Variants in MTREX observed in about 807,000 individuals in gnomAD.
MTREX encodes Mtr4 exosome RNA helicase.
MTREX carries 76 observed loss-of-function variants against 135.4 expected under a neutral mutation model. That is an observed-to-expected ratio of 0.56 (90% CI 0.47 to 0.68). The LOEUF (loss-of-function observed/expected upper bound fraction) is 0.68, where lower values mean the gene tolerates loss of function less well. MTREX is among the 30% of genes least tolerant of loss of function. MTREX has a pLI of 0.00. For missense variants in MTREX, 920 were observed against 1,262.1 expected (o/e 0.73, Z 4.11); for synonymous variants, 404 against 401.6 (o/e 1.01, Z -0.07).
chr5:55,317,375 C>CA (rs1749215633), intron 1 of MTREX, among the ~76,000 whole-genome samples: 1 of 152,170 alleles, frequency 6.6e-6, no homozygotes. Flanking sequence ...TACCCTACTT[C>CA]AAACTATACT....
intron 16 of MTREX, among the ~76,000 whole-genome samples, chr5:55,372,510 G>A (rs1338774526): frequency 6.6e-6 from 1 of 152,124 alleles, no homozygotes; most frequent in Non-Finnish European, 1.5e-5. Flanking sequence ...GGAAAGCTTT[G>A]TGGGGATACG....
chr5:55,414,562 G>C (rs2111620256), intron 24 of MTREX, among the ~76,000 whole-genome samples: 1 of 152,290 alleles, frequency 6.6e-6, no homozygotes, highest in Middle Eastern at 3.4e-3. Flanking sequence ...CCTCAGTACT[G>C]ATAATGGTAT....
At chr5:55,361,932 T>C (rs1433996894) in intron 15 of MTREX, among the ~76,000 whole-genome samples, 2 of 151,954 alleles carry the variant, frequency 1.3e-5, no homozygotes, top group Non-Finnish European at 2.9e-5. Context: ...GTTTTTGTTT[T>C]TGGAGACAAG....
chr5:55,386,515 G>A (rs1026228910), intron 18 of MTREX, among the ~76,000 whole-genome samples: 4 of 152,060 alleles, frequency 2.6e-5, no homozygotes, highest in Non-Finnish European at 5.9e-5. Flanking sequence ...TTCATTTAAT[G>A]TTACAATTTA....
intron 18 of MTREX, among the ~76,000 whole-genome samples, chr5:55,379,958 C>T (rs1393319937): frequency 1.3e-5 from 2 of 152,124 alleles, no homozygotes; most frequent in Middle Eastern, 3.4e-3. Context: ...TCTTTTGAGA[C>T]GGAGTCTCGC....
At position 55,347,152 on chromosome 5, in the gene MTREX, A is replaced by C; in HGVS notation, c.1240+8A>C. On this transcript the variant is annotated splice_region_variant and intron_variant, in intron 11 of 26. Transcript: ENST00000230640. ...AATTAGATTTCAACACAGGTACTACATCATTTCAGTATCATTTTAATGTTA... is the reference window on the plus strand; with the variant it reads ...AATTAGATTTCAACACAGGTACTACCTCATTTCAGTATCATTTTAATGTTA... 6.3e-7 allele frequency: 1 copy of C among 1,588,412 alleles called. No homozygotes were observed. The highest frequency in any genetic ancestry group is 1.2e-5 in the South Asian group (1 of 85,800).
In MTREX at chr5:55,425,037, ACT is replaced by A. The variant is rs1751134460; in HGVS notation, c.*266_*267del. The A allele has an allele frequency of 4.3e-6, 4 of 924,100 alleles. No homozygotes were observed. Among genetic ancestry groups the A allele is most frequent in the Middle Eastern group, 6.6e-4 (2 of 3,008 alleles). The allele number at this position is 924,100 out of a possible 1,614,324, so 57.2% of individuals were successfully genotyped here. A position where few individuals can be genotyped will look rare whatever the true frequency, so the allele number is the denominator to read the frequency against. ...ATGAGTTTAGAGCTATTAGATAACC[ACT>A]GAGTTAAAGGTAACTATGTACACAC... On this transcript the variant is annotated 3_prime_UTR_variant, in exon 27 of 27. Transcript: ENST00000230640.
At chr5:55,351,104 T>C (rs1220457668) in intron 13 of MTREX, 75 bp downstream of exon 13, 2 of 1,434,620 alleles carry the variant, frequency 1.4e-6, no homozygotes, top group African/African-American at 2.9e-5. Context: ...GAACATTGTT[T>C]ATAGGCAATA....
chr5:55,347,096 G>A lies in MTREX; in HGVS notation c.1192G>A (p.Asp398Asn). The change falls in exon 11 of 27, where the codon GAT becomes AAT. Residue 398 changes from aspartate (D) to asparagine (N), a missense_variant. Around this residue, in one of 6 missense-constraint regions of MTREX, gnomAD observed 101 missense variants for 119.1 expected, o/e 0.85. Transcript: ENST00000230640. ...GATTATTTTCAGTTTTAGTAAGAAAGATTGTGAAGCCTATGCACTTCAAAT... is the reference window on the plus strand; with the variant it reads ...GATTATTTTCAGTTTTAGTAAGAAAAATTGTGAAGCCTATGCACTTCAAAT... ...PVIIFSFSKK[D>N]CEAYALQMTK... The A allele has an allele frequency of 6.2e-7, 1 of 1,609,124 alleles. No individual in the cohort carries two copies. Among genetic ancestry groups the A allele is most frequent in the Non-Finnish European group, 8.5e-7 (1 of 1,177,452 alleles).
At chr5:55,399,034 G>T (rs535448395) in intron 20 of MTREX, among the ~76,000 whole-genome samples, 42 of 152,170 alleles carry the variant, frequency 2.8e-4, no homozygotes, top group African/African-American at 9.2e-4. Context: ...CTTCAGAACC[G>T]CAATTTTAGT....
chr5:55,317,508 T>G (rs190022561), intron 1 of MTREX, among the ~76,000 whole-genome samples: 39 of 152,144 alleles, frequency 2.6e-4, no homozygotes, highest in African/African-American at 9.4e-4. Context: ...TTGACAAAAC[T>G]AACAAAACGA....
At chr5:55,308,209 T>C (rs1749001020) in intron 1 of MTREX, 62 bp downstream of exon 1, 7 of 1,516,918 alleles carry the variant, frequency 4.6e-6, no homozygotes, top group Non-Finnish European at 6.2e-6. Context: ...AAGAAAACAC[T>C]ACTCTCTTAG....
chr5:55,424,632 G>A (rs892367192), intron 26 of MTREX, 88 bp from the exon 27 acceptor site: 1 of 859,266 alleles, frequency 1.2e-6, no homozygotes, highest in South Asian at 1.4e-5. Flanking sequence ...TTGAATCAGG[G>A]TTGGTATACT....
At chr5:55,315,780 G>T (rs1213861876) in intron 1 of MTREX, among the ~76,000 whole-genome samples, 2 of 151,818 alleles carry the variant, frequency 1.3e-5, no homozygotes, top group Non-Finnish European at 2.9e-5. Flanking sequence ...CTGTGGAGCT[G>T]GGGGCAGTGG....
At chr5:55,368,328 G>A (rs894113298) in intron 16 of MTREX, among the ~76,000 whole-genome samples, 1 of 152,078 alleles carries the variant, frequency 6.6e-6, no homozygotes, top group Non-Finnish European at 1.5e-5. Flanking sequence ...GTGGGCACCT[G>A]TAATCCCAGC....
At chr5:55,357,478 G>T in intron 14 of MTREX, 2 of 156,674 alleles carry the variant, frequency 1.3e-5, no homozygotes, top group South Asian at 3.7e-4. Flanking sequence ...GATCCAGCTA[G>T]ACATCGTTGG....
chr5:55,394,433 G>T (rs937324451), intron 19 of MTREX, among the ~76,000 whole-genome samples: 16 of 152,190 alleles, frequency 1.1e-4, no homozygotes, highest in African/African-American at 3.9e-4. Flanking sequence ...CTGGTTTTGT[G>T]GAAGATAGTT....
intron 5 of MTREX, among the ~76,000 whole-genome samples, chr5:55,336,554 G>T (rs1749556431): frequency 1.3e-5 from 2 of 152,106 alleles, no homozygotes. Context: ...AACCAACCTT[G>T]TATTCCTGGA....
At chr5:55,327,630 C>A in intron 3 of MTREX, 86 bp from the exon 4 acceptor site, 1 of 1,043,390 alleles carries the variant, frequency 9.6e-7, no homozygotes, top group Non-Finnish European at 1.5e-6. Flanking sequence ...TTTTATTTTC[C>A]AAACCATCAT....
Sources: gnomAD v4.1 joint callset for allele counts (sites outside exome capture counted in the v4.1 genomes callset) on GRCh38, gnomAD v4.1.1 for gene constraint, gnomAD v4.1.1 regional missense constraint, MANE v1.5 for transcripts, NCBI Gene and HGNC (gene_info 2026-07-23, HGNC 2026-07-21) for gene names.